Variants in RUNX1 observed in about 807,000 individuals in gnomAD.
RUNX1 encodes RUNX family transcription factor 1, also known as runt-related transcription factor 1.
RUNX1 carries 19 observed loss-of-function variants against 42.8 expected under a neutral mutation model. The observed-to-expected ratio is 0.44, with a 90% confidence interval of 0.31 to 0.65. The LOEUF is 0.65. Ranked by LOEUF, RUNX1 falls within the 30% of genes least tolerant of loss-of-function variation. The probability of loss-of-function intolerance (pLI) is 0.07; values close to 1 mark genes in which losing one functional copy is unlikely to be tolerated. For missense variants in RUNX1, 528 were observed against 672.0 expected (o/e 0.79, Z 2.37); for synonymous variants, 271 against 289.4 (o/e 0.94, Z 0.64).
At chr21:34,849,696 C>T (rs1170522155) in intron 6 of RUNX1, among the ~76,000 whole-genome samples, 2 of 149,476 alleles carry the variant, frequency 1.3e-5, no homozygotes, top group Non-Finnish European at 3.0e-5. Flanking sequence ...CCATAATGTA[C>T]GGTAATAGAT....
chr21:34,834,929 G>T (rs1435933622), intron 6 of RUNX1, among the ~76,000 whole-genome samples: 1 of 152,170 alleles, frequency 6.6e-6, no homozygotes, highest in Non-Finnish European at 1.5e-5. Context: ...TGCCGGGAGG[G>T]AAAGAGGCGC....
chr21:35,041,062 C>A (rs575314224), intron 2 of RUNX1, among the ~76,000 whole-genome samples: 2 of 152,312 alleles, frequency 1.3e-5, no homozygotes, highest in Admixed American at 1.3e-4. Context: ...TGTGGTGTTG[C>A]TCTCAGGCTA....
At chr21:34,981,484 A>G (rs532575807) in intron 2 of RUNX1, among the ~76,000 whole-genome samples, 1 of 152,350 alleles carries the variant, frequency 6.6e-6, no homozygotes, top group Admixed American at 6.5e-5. Context: ...GTGCCAAGGA[A>G]TAGATTTTGC....
Position 34,791,740 on chromosome 21 carries a change from G to C in RUNX1, c.*395C>G, listed in dbSNP as rs1240597327. 4.8e-5 allele frequency: 11 copies of C among 228,536 alleles called. No individual in the cohort carries two copies. The highest frequency in any genetic ancestry group is 9.6e-5 in the Non-Finnish European group (11 of 114,844). The allele number at this position is 228,536 out of a possible 1,614,324, so 14.2% of individuals were successfully genotyped here. On this transcript the variant is annotated 3_prime_UTR_variant, in exon 9 of 9. Transcript: ENST00000675419. ...CCACACTCTTTGGAATAAACAACTT[G>C]GTTAAAAAGTTAAGTCAAGGGTATA...
intron 2 of RUNX1, among the ~76,000 whole-genome samples, chr21:35,037,655 A>G (rs145834907): frequency 2.0e-5 from 3 of 152,222 alleles, no homozygotes; most frequent in East Asian, 1.9e-4. Flanking sequence ...CAGCCTAACC[A>G]CAAGCAGGTC....
intron 7 of RUNX1, among the ~76,000 whole-genome samples, chr21:34,812,657 G>A (rs563020446): frequency 2.2e-4 from 33 of 152,164 alleles, no homozygotes; most frequent in Non-Finnish European, 4.4e-4. Context: ...CCACAGCTTC[G>A]TTTATTGACT....
chr21:34,914,169 C>A (rs567472016), intron 2 of RUNX1, among the ~76,000 whole-genome samples: 2 of 152,138 alleles, frequency 1.3e-5, no homozygotes, highest in Non-Finnish European at 2.9e-5. Flanking sequence ...GTTCTGAGAG[C>A]GGCTGTCTCC....
chr21:34,833,559 G>T (rs151314460), intron 7 of RUNX1: 1 of 152,970 alleles, frequency 6.5e-6, no homozygotes, highest in African/African-American at 2.4e-5. Flanking sequence ...CTACCACATC[G>T]ATTGCTGGCC....
chr21:34,830,883 T>C (rs1220170949), intron 7 of RUNX1, among the ~76,000 whole-genome samples: 2 of 152,202 alleles, frequency 1.3e-5, no homozygotes, highest in Non-Finnish European at 2.9e-5. Context: ...ATGGGCTTCC[T>C]AGTTTATCTA....
At chr21:35,035,706 C>T (rs953108151) in intron 2 of RUNX1, among the ~76,000 whole-genome samples, 2 of 152,140 alleles carry the variant, frequency 1.3e-5, no homozygotes, top group African/African-American at 2.4e-5. Context: ...GACAACAGTG[C>T]GGAGGACACG....
intron 2 of RUNX1, among the ~76,000 whole-genome samples, chr21:34,975,195 A>G (rs111748746): frequency 0.031 from 4,716 of 152,344 alleles, 248 homozygotes; most frequent in African/African-American, 0.11. Flanking sequence ...AGCTATTTTC[A>G]TTAGACCTCA....
intron 7 of RUNX1, among the ~76,000 whole-genome samples, chr21:34,820,014 A>T (rs1434965208): frequency 6.6e-6 from 1 of 152,226 alleles, no homozygotes; most frequent in African/African-American, 2.4e-5. Flanking sequence ...TTCATTAAAA[A>T]CACCAAAGAG....
intron 7 of RUNX1, among the ~76,000 whole-genome samples, chr21:34,817,252 C>T (rs1257007015): frequency 6.6e-6 from 1 of 152,210 alleles, no homozygotes; most frequent in Non-Finnish European, 1.5e-5. Flanking sequence ...GTCTGTCACT[C>T]TGCTGCCTCT....
intron 7 of RUNX1, chr21:34,833,945 AC>A (rs1453325088): frequency 9.4e-6 from 3 of 319,116 alleles, no homozygotes; most frequent in Non-Finnish European, 1.9e-5. Flanking sequence ...TAATAAAAAA[AC>A]ACTAGATACA....
At chr21:34,811,157 T>C (rs962699111) in intron 7 of RUNX1, among the ~76,000 whole-genome samples, 1 of 152,244 alleles carries the variant, frequency 6.6e-6, no homozygotes, top group Admixed American at 6.5e-5. Context: ...TGACCCACAA[T>C]GAATGGCAAC....
At chr21:34,968,736 C>T (rs550437219) in intron 2 of RUNX1, among the ~76,000 whole-genome samples, 1 of 152,202 alleles carries the variant, frequency 6.6e-6, no homozygotes, top group South Asian at 2.1e-4. Flanking sequence ...CTACTGTGAG[C>T]AGGTGGTCTG....
At chr21:34,933,472 T>A (rs1473005229) in intron 2 of RUNX1, among the ~76,000 whole-genome samples, 1 of 152,192 alleles carries the variant, frequency 6.6e-6, no homozygotes, top group Non-Finnish European at 1.5e-5. Context: ...TTATGAGTGG[T>A]GGGATGTTAT....
chr21:34,811,169 G>A (rs9941814), intron 7 of RUNX1, among the ~76,000 whole-genome samples: 429 of 152,318 alleles, frequency 2.8e-3, no homozygotes, highest in African/African-American at 9.6e-3. Context: ...AATGGCAACC[G>A]TTCTTTCTTT....
chr21:34,853,633 A>G (rs1160616703), intron 6 of RUNX1, among the ~76,000 whole-genome samples: 1 of 152,206 alleles, frequency 6.6e-6, no homozygotes, highest in African/African-American at 2.4e-5. Flanking sequence ...AAGCACTGTG[A>G]ACAGTGTTGG....
Sources: allele counts gnomAD v4.1 joint callset (sites outside exome capture counted in the v4.1 genomes callset), GRCh38; gene constraint gnomAD v4.1.1; transcripts MANE v1.5; gene names NCBI Gene and HGNC (gene_info 2026-07-23, HGNC 2026-07-21).